The following TBC1D22A variants were observed in gnomAD, a reference collection of about 807,000 sequenced individuals.
TBC1D22A encodes putative GTPase activator.
TBC1D22A carries 38 observed loss-of-function variants against 60.2 expected under a neutral mutation model. The ratio of observed to expected loss-of-function variants is 0.63; its 90% CI spans 0.49 to 0.83. TBC1D22A has a LOEUF of 0.83. TBC1D22A is among the 40% of genes least tolerant of loss of function. The probability of loss-of-function intolerance (pLI) is 0.00; values close to 1 mark genes in which losing one functional copy is unlikely to be tolerated. For synonymous variants in TBC1D22A, 302 were observed against 281.7 expected (o/e 1.07, Z -0.72); for missense variants, 628 against 701.0 (o/e 0.90, Z 1.18).
At chr22:47,060,332 C>G (rs2063528820) in intron 11 of TBC1D22A, among the ~76,000 whole-genome samples, 1 of 151,318 alleles carries the variant, frequency 6.6e-6, no homozygotes, top group Non-Finnish European at 1.5e-5. Context: ...ACCTCTGCCT[C>G]CTGGGTTCAA....
At chr22:46,911,984 C>T (rs1162849223) in intron 7 of TBC1D22A, 90 bp from the exon 8 acceptor site, 7 of 784,168 alleles carry the variant, frequency 8.9e-6, no homozygotes, top group Non-Finnish European at 1.1e-5. Context: ...TGAGAAAATA[C>T]AGTGTACATT....
intron 12 of TBC1D22A, among the ~76,000 whole-genome samples, chr22:47,122,744 G>A (rs920120614): frequency 2.6e-5 from 4 of 152,236 alleles, no homozygotes; most frequent in African/African-American, 9.6e-5. Context: ...ACCCAGGCAG[G>A]CTTCACTGCG....
At chr22:46,834,858 C>A (rs546641324) in intron 4 of TBC1D22A, among the ~76,000 whole-genome samples, 3 of 152,196 alleles carry the variant, frequency 2.0e-5, no homozygotes, top group Admixed American at 2.0e-4. Context: ...GTAGACAGCA[C>A]GTGAGCCTCT....
At chr22:47,172,068 T>C (rs996710300) in intron 12 of TBC1D22A, among the ~76,000 whole-genome samples, 1 of 114,908 alleles carries the variant, frequency 8.7e-6, no homozygotes, top group East Asian at 7.1e-4. Flanking sequence ...TACCCAGCAC[T>C]CCCAGTGAGC....
At chr22:46,895,710 T>C (rs2068639361) in intron 7 of TBC1D22A, among the ~76,000 whole-genome samples, 1 of 152,224 alleles carries the variant, frequency 6.6e-6, no homozygotes, top group Non-Finnish European at 1.5e-5. Context: ...ATCTGTTGTA[T>C]CTAGTTACAT....
At chr22:46,925,159 T>C (rs2147861787) in intron 8 of TBC1D22A, among the ~76,000 whole-genome samples, 1 of 152,388 alleles carries the variant, frequency 6.6e-6, no homozygotes, top group Non-Finnish European at 1.5e-5. Flanking sequence ...CTTGTTTTTT[T>C]TGTGTTGTCT....
chr22:47,043,554 G>A (rs554437849), intron 11 of TBC1D22A, among the ~76,000 whole-genome samples: 2 of 152,318 alleles, frequency 1.3e-5, no homozygotes, highest in East Asian at 1.9e-4. Flanking sequence ...GCAAGAGTGC[G>A]ATACAGGTGC....
chr22:46,891,677 C>T (rs1422855969), intron 6 of TBC1D22A, among the ~76,000 whole-genome samples: 3 of 152,096 alleles, frequency 2.0e-5, no homozygotes, highest in African/African-American at 4.8e-5. Context: ...TTCCTGAGAC[C>T]GGCCTTGGGG....
chr22:46,788,467 G>A (rs768273083), intron 1 of TBC1D22A, among the ~76,000 whole-genome samples: 12 of 152,250 alleles, frequency 7.9e-5, no homozygotes, highest in Non-Finnish European at 1.5e-4. Context: ...GCTGTTGAAA[G>A]TGGTTGGAGC....
chr22:47,039,972 T>G (rs2062786073), intron 11 of TBC1D22A, among the ~76,000 whole-genome samples: 1 of 122,668 alleles, frequency 8.2e-6, no homozygotes, highest in African/African-American at 3.2e-5. Flanking sequence ...TGAGACAGAG[T>G]CTCACTCTGT....
intron 8 of TBC1D22A, among the ~76,000 whole-genome samples, chr22:46,972,540 A>G (rs1262637983): frequency 6.6e-6 from 1 of 152,224 alleles, no homozygotes; most frequent in Non-Finnish European, 1.5e-5. Context: ...GGAGCCAGTC[A>G]CAGAGGGCCG....
chr22:46,855,911 G>C (rs2087545424), intron 4 of TBC1D22A, among the ~76,000 whole-genome samples: 1 of 152,216 alleles, frequency 6.6e-6, no homozygotes, highest in Non-Finnish European at 1.5e-5. Context: ...AGCTTATCAT[G>C]GACAAGACTC....
intron 1 of TBC1D22A, among the ~76,000 whole-genome samples, chr22:46,788,565 A>G (rs889309632): frequency 3.9e-5 from 6 of 152,076 alleles, no homozygotes; most frequent in African/African-American, 4.8e-5. Context: ...ATCCAGCACC[A>G]GCCCCACTGG....
At chr22:46,989,942 G>A (rs1370877136) in intron 9 of TBC1D22A, among the ~76,000 whole-genome samples, 1 of 152,134 alleles carries the variant, frequency 6.6e-6, no homozygotes, top group Non-Finnish European at 1.5e-5. Flanking sequence ...AGCTGGAACT[G>A]TAGGTGCTTG....
At chr22:47,001,393 G>A (rs1397920910) in intron 10 of TBC1D22A, among the ~76,000 whole-genome samples, 52 of 141,294 alleles carry the variant, frequency 3.7e-4, no homozygotes, top group Non-Finnish European at 5.4e-4. Context: ...GCAGTGAGCC[G>A]AGATCGCGCC....
At chr22:46,803,829 G>A (rs2085009631) in intron 4 of TBC1D22A, among the ~76,000 whole-genome samples, 1 of 152,204 alleles carries the variant, frequency 6.6e-6, no homozygotes, top group Non-Finnish European at 1.5e-5. Flanking sequence ...ACTCCAGCTT[G>A]CACAGTCCTT....
chr22:46,933,733 A>G (rs1394795617), intron 8 of TBC1D22A, among the ~76,000 whole-genome samples: 1 of 152,222 alleles, frequency 6.6e-6, no homozygotes, highest in Non-Finnish European at 1.5e-5. Context: ...GACTGCAGCC[A>G]CGTGGCCCCT....
intron 11 of TBC1D22A, among the ~76,000 whole-genome samples, chr22:47,079,016 A>G (rs1398915670): frequency 1.3e-5 from 2 of 151,974 alleles, no homozygotes; most frequent in Non-Finnish European, 2.9e-5. Flanking sequence ...TATACGAACA[A>G]GAGAGCGCTA....
At chr22:46,897,700 A>G (rs1410303804) in intron 7 of TBC1D22A, among the ~76,000 whole-genome samples, 1 of 127,906 alleles carries the variant, frequency 7.8e-6, no homozygotes, top group Non-Finnish European at 1.6e-5. Flanking sequence ...AATTGGCCTT[A>G]GGTTACCTGC....
Sources: allele counts gnomAD v4.1 joint callset (sites outside exome capture counted in the v4.1 genomes callset), GRCh38; gene constraint gnomAD v4.1.1; transcripts MANE v1.5; gene names NCBI Gene and HGNC (gene_info 2026-07-23, HGNC 2026-07-21).